Variants in COL4A3 observed in about 807,000 individuals in gnomAD.
COL4A3 encodes the protein collagen alpha-3(IV) chain.
COL4A3 carries 135 observed loss-of-function variants against 217.4 expected under a neutral mutation model. The observed-to-expected ratio is 0.62, with a 90% CI of 0.54 to 0.72. The LOEUF is 0.72. COL4A3 is among the 30% of genes least tolerant of loss of function. The probability of loss-of-function intolerance (pLI) is 0.00; values close to 1 mark genes in which losing one functional copy is unlikely to be tolerated. For missense variants in COL4A3, 1,868 were observed against 2,119.9 expected (o/e 0.88, Z 2.33); for synonymous variants, 690 against 736.3 (o/e 0.94, Z 1.02).
intron 1 of COL4A3, among the ~76,000 whole-genome samples, chr2:227,200,933 C>G (rs768710842): frequency 1.9e-4 from 29 of 152,012 alleles, no homozygotes; most frequent in African/African-American, 4.3e-4. Context: ...TGCATTTATT[C>G]CAAAATGTTA....
intron 51 of COL4A3, among the ~76,000 whole-genome samples, chr2:227,311,380 C>CT (rs11286889): frequency 9.9e-5 from 14 of 141,774 alleles, no homozygotes; most frequent in East Asian, 4.1e-4. Context: ...AATTTCTCTC[C>CT]TTTTTTTTTT....
At chr2:227,302,099 C>A (rs1297556007) in intron 43 of COL4A3, 2 of 152,310 alleles carry the variant, frequency 1.3e-5, no homozygotes, top group African/African-American at 4.8e-5. Flanking sequence ...CTCCCTCCTT[C>A]TATGGCTTTG....
intron 27 of COL4A3, 110 bp downstream of exon 27, chr2:227,276,587 C>A: frequency 2.4e-6 from 2 of 833,508 alleles, no homozygotes; most frequent in South Asian, 1.4e-5. Flanking sequence ...TTCATTGGCT[C>A]CAAAAGAGAG....
intron 50 of COL4A3, 45 bp from the exon 51 acceptor site, chr2:227,310,731 C>T (rs774968887): frequency 1.3e-6 from 2 of 1,550,496 alleles, no homozygotes; most frequent in East Asian, 4.5e-5. Flanking sequence ...AAAATTTGAA[C>T]CCCAATGGAC....
At chr2:227,202,619 C>T (rs2066736281) in intron 1 of COL4A3, among the ~76,000 whole-genome samples, 1 of 150,950 alleles carries the variant, frequency 6.6e-6, no homozygotes, top group African/African-American at 2.4e-5. Context: ...CCTGTAGTCC[C>T]AGCTACTCGG....
chr2:227,253,467 C>T lies in COL4A3; in HGVS notation c.688-94C>T. The T allele has an allele frequency of 7.1e-7, 1 of 1,401,482 alleles. No homozygotes were observed. The highest frequency in any genetic ancestry group is 1.0e-6 in the Non-Finnish European group (1 of 986,244). The allele number at this position is 1,401,482 out of a possible 1,614,324, so 86.8% of individuals were successfully genotyped here. On this transcript the variant is annotated intron_variant, in intron 12 of 51. Coordinates refer to ENST00000396578, the MANE Select transcript of COL4A3 (RefSeq NM_000091.5). The surrounding 1 kb of genome is among the most constrained non-coding windows in gnomAD (Gnocchi z 4.4). Reference sequence around the variant, plus strand: ...CATTTGTTCTATCTTCCCGTATAAGCACTAAAGGGGAAAAGTAGACCTTTC... The same window carrying T: ...CATTTGTTCTATCTTCCCGTATAAGTACTAAAGGGGAAAAGTAGACCTTTC...
rs762337737 is a variant in COL4A3 at position 227,280,525 on chromosome 2, T to C, written c.2309T>C (p.Ile770Thr). 6 of 1,613,910 alleles carry C rather than the reference T, an allele frequency of 3.7e-6. 1 individual carries two copies. Among genetic ancestry groups the C allele is most frequent in the South Asian group, 2.2e-5 (2 of 91,064 alleles). Residue 770 changes from isoleucine (I) to threonine (T), a missense_variant, in exon 30 of 52, where the codon ATT (isoleucine) becomes ACT (threonine). Coordinates refer to ENST00000396578, the MANE Select transcript of COL4A3 (RefSeq NM_000091.5). The part of the protein sequence containing the change: ...ERGNSGEHGE[I>T]GLPGLPGLPG... Reference sequence around the variant, plus strand: ...GGCAATTCTGGGGAACATGGAGAAATTGGACTCCCTGGACTTCCAGGTCTC... The same window carrying C: ...GGCAATTCTGGGGAACATGGAGAAACTGGACTCCCTGGACTTCCAGGTCTC...
At chr2:227,172,888 G>A (rs1249614672) in intron 1 of COL4A3, among the ~76,000 whole-genome samples, 2 of 151,906 alleles carry the variant, frequency 1.3e-5, no homozygotes, top group Admixed American at 6.6e-5. Flanking sequence ...TGCCTGGCCC[G>A]GTTTCTTCTG....
intron 33 of COL4A3, 152 bp from the exon 34 acceptor site, chr2:227,284,059 T>C: frequency 9.1e-7 from 1 of 1,104,386 alleles, no homozygotes; most frequent in Non-Finnish European, 1.3e-6. Flanking sequence ...CTTATGAGGC[T>C]GCCTGCCTGG....
chr2:227,269,060 A>G (rs1004499171), intron 23 of COL4A3, among the ~76,000 whole-genome samples: 4 of 152,212 alleles, frequency 2.6e-5, no homozygotes, highest in African/African-American at 7.2e-5. Context: ...CAAAAAATAG[A>G]ATCTGAATAA....
At chr2:227,195,739 C>T (rs2066449572) in intron 1 of COL4A3, among the ~76,000 whole-genome samples, 1 of 146,600 alleles carries the variant, frequency 6.8e-6, no homozygotes, top group Non-Finnish European at 1.5e-5. Flanking sequence ...GCAGGTCCTT[C>T]AGGAGATATC....
intron 23 of COL4A3, 49 bp from the exon 24 acceptor site, chr2:227,269,861 T>TA (rs767158724): frequency 8.7e-6 from 13 of 1,486,824 alleles, no homozygotes; most frequent in Non-Finnish European, 1.2e-5. Context: ...CCTGTCTACT[T>TA]AGAGTTGGCG....
Position 227,249,665 on chromosome 2 carries a change from G to C in COL4A3, c.546+1145G>C, listed in dbSNP as rs114457972. Among the ~76,000 whole-genome samples the C allele has an allele frequency of 5.2e-3, 799 of 152,218 alleles. 3 individuals carry two copies. The highest frequency in any genetic ancestry group is 0.019 in the African/African-American group (769 of 41,534). ...CTGTATGGTGCGCTATCCTAACTGA[G>C]GATGTGAAGTTAGATTAGGAGCTGC... On this transcript the variant is annotated intron_variant, in intron 9 of 51. Coordinates refer to ENST00000396578, the MANE Select transcript of COL4A3 (RefSeq NM_000091.5).
intron 1 of COL4A3, among the ~76,000 whole-genome samples, chr2:227,218,850 T>C (rs1258985285): frequency 6.6e-6 from 1 of 152,234 alleles, no homozygotes; most frequent in East Asian, 1.9e-4. Context: ...ATTTGTATTT[T>C]GGTTGTAAAA....
At chr2:227,212,441 T>A (rs1467279974) in intron 1 of COL4A3, among the ~76,000 whole-genome samples, 9 of 152,222 alleles carry the variant, frequency 5.9e-5, no homozygotes, top group Admixed American at 5.2e-4. Context: ...CATTTGGCAT[T>A]GAACTTTTAT....
chr2:227,294,985 C>T lies in COL4A3; in HGVS notation c.3440C>T (p.Ser1147Phe), dbSNP rs200107989. 4.8e-4 allele frequency: 752 copies of T among 1,576,836 alleles called. No individual in the cohort carries two copies. The highest frequency in any genetic ancestry group is 5.8e-4 in the Non-Finnish European group (668 of 1,150,648). The change falls in exon 40 of 52, where the codon TCT (serine) becomes TTT (phenylalanine). Residue 1147 changes from serine (S) to phenylalanine (F), a missense_variant. Transcript: ENST00000396578. ...GPPGLPGFPG[S>F]PGPMGIRGDQ... is the part of the protein sequence containing the mutation. The stretch of plus-strand genomic sequence containing the variant: ...TCAGGTCTTCCAGGATTTCCAGGAT[C>T]TCCTGGACCAATGGGTATAAGAGGT...
chr2:227,208,222 A>T (rs1457434414), intron 1 of COL4A3, among the ~76,000 whole-genome samples: 4 of 152,186 alleles, frequency 2.6e-5, no homozygotes, highest in Non-Finnish European at 5.9e-5. Context: ...GCCCTTTCCC[A>T]AAAAGACCCC....
At chr2:227,248,715 G>A (rs2069513608) in intron 9 of COL4A3, among the ~76,000 whole-genome samples, 195 bp downstream of exon 9, 1 of 152,020 alleles carries the variant, frequency 6.6e-6, no homozygotes, top group Non-Finnish European at 1.5e-5. Flanking sequence ...ACCCTATTCT[G>A]GAAAACTACA....
chr2:227,244,432 T>C (rs2069199913), intron 4 of COL4A3, 68 bp downstream of exon 4: 2 of 1,429,562 alleles, frequency 1.4e-6, no homozygotes, highest in Admixed American at 1.7e-5. Flanking sequence ...GTTATACAAA[T>C]GTCAGAAAGG....
Sources: allele counts gnomAD v4.1 joint callset (sites outside exome capture counted in the v4.1 genomes callset), GRCh38; gene constraint gnomAD v4.1.1; non-coding constraint Gnocchi (gnomAD v3.1); transcripts MANE v1.5; gene names NCBI Gene and HGNC (gene_info 2026-07-23, HGNC 2026-07-21).